PBX3: variants seen among roughly 807,000 people sequenced by gnomAD.
PBX3 encodes the protein pre-B-cell leukemia transcription factor 3.
In PBX3, 14 loss-of-function variants were observed where a neutral mutation model predicts 48.5. The observed-to-expected ratio is 0.29, with a 90% CI of 0.19 to 0.45. The LOEUF (loss-of-function observed/expected upper bound fraction) is 0.45. Among genes scored for constraint, PBX3 ranks in the 20% least tolerant of loss-of-function variants. The pLI is 1.00. For missense variants in PBX3, 386 were observed against 546.7 expected, an observed-to-expected ratio of 0.71 and a Z score of 2.93; for synonymous variants, 210 against 200.3, an observed-to-expected ratio of 1.05 and a Z score of -0.41.
chr9:125,958,822 T>C (rs1257730543), intron 5 of PBX3, among the ~76,000 whole-genome samples: 1 of 152,184 alleles, frequency 6.6e-6, no homozygotes, highest in Non-Finnish European at 1.5e-5. Context: ...ATGGATAAGG[T>C]TGCTCTAGGT....
chr9:125,760,403 G>GT (rs923981853), intron 2 of PBX3, among the ~76,000 whole-genome samples: 81 of 147,640 alleles, frequency 5.5e-4, no homozygotes, highest in African/African-American at 1.1e-3. Flanking sequence ...TTAGTCTTAG[G>GT]TTTTTTTTTT....
Position 125,960,812 on chromosome 9 carries a change from G to C in PBX3, c.972G>C (p.Gln324His). ...TAAHAVAAAV[Q>H]NNQTNSPTTP... The stretch of plus-strand genomic sequence containing the variant: ...CACACGCAGTAGCAGCAGCTGTGCA[G>C]AACAACCAGACCAATTCGCCCACCA... Residue 324 changes from glutamine to histidine, a missense_variant, in exon 6 of 9, where the codon CAG (glutamine) becomes CAC (histidine). Coordinates refer to ENST00000373489, the MANE Select transcript of PBX3 (RefSeq NM_006195.6). The C allele has an allele frequency of 1.2e-6, 2 of 1,614,164 alleles. No individual in the cohort carries two copies. The highest frequency in any genetic ancestry group is 1.7e-6 in the Non-Finnish European group (2 of 1,180,008).
rs545483607 is a variant in PBX3, at chr9:125,924,320, C to G, written c.517-5335C>G. Among the ~76,000 whole-genome samples the G allele has an allele frequency of 1.4e-3, 208 of 152,312 alleles. 1 individual carries two copies. The highest frequency in any genetic ancestry group is 4.7e-3 in the African/African-American group (197 of 41,562). ...GGGCTTGACAGAAGTCAGCTTGAGT[C>G]TCATATCTGCTTCTACAGTCAACTG... On this transcript the variant is annotated intron_variant, in intron 3 of 8. Coordinates refer to ENST00000373489, the MANE Select transcript of PBX3 (RefSeq NM_006195.6).
intron 5 of PBX3, among the ~76,000 whole-genome samples, chr9:125,958,700 C>T (rs1842362191): frequency 6.6e-6 from 1 of 152,014 alleles, no homozygotes; most frequent in South Asian, 2.1e-4. Context: ...CCTCTTAGAC[C>T]CATTGAATTG....
At chr9:125,943,088 TG>T (rs1258502485) in intron 5 of PBX3, among the ~76,000 whole-genome samples, 1 of 152,030 alleles carries the variant, frequency 6.6e-6, no homozygotes, top group Non-Finnish European at 1.5e-5. Flanking sequence ...ATTTTCAGGC[TG>T]GGCACAGTGG....
At chr9:125,828,550 A>C (rs1296892476) in intron 2 of PBX3, among the ~76,000 whole-genome samples, 3 of 152,178 alleles carry the variant, frequency 2.0e-5, no homozygotes, top group Non-Finnish European at 4.4e-5. Flanking sequence ...TTAGAAAAAC[A>C]TTTGATGATC....
chr9:125,836,609 A>G lies in PBX3; in HGVS notation c.275-79077A>G, dbSNP rs1021670914. Among the ~76,000 whole-genome samples the G allele has an allele frequency of 6.6e-5, 10 of 152,318 alleles. No individual in the cohort carries two copies. In the South Asian group the frequency reaches 2.1e-3, roughly 32 times the overall value. ...GTTTGGTAGCTCAGTAGGGTGACCT[A>G]TAGTTAACAGTAATTTATTGTATAT... On this transcript the variant is annotated intron_variant, in intron 2 of 8. Coordinates refer to ENST00000373489, the MANE Select transcript of PBX3 (RefSeq NM_006195.6).
At chr9:125,786,914 G>A (rs899565416) in intron 2 of PBX3, among the ~76,000 whole-genome samples, 93 of 152,012 alleles carry the variant, frequency 6.1e-4, no homozygotes, top group African/African-American at 2.2e-3. Context: ...TAGTAGAGTC[G>A]GGGTTTCACC....
intron 2 of PBX3, among the ~76,000 whole-genome samples, chr9:125,839,876 A>G (rs1184140868): frequency 1.3e-5 from 2 of 152,168 alleles, no homozygotes; most frequent in Non-Finnish European, 2.9e-5. Context: ...CATCTGATAT[A>G]TGTATACTCT....
intron 2 of PBX3, among the ~76,000 whole-genome samples, chr9:125,764,407 C>T (rs976156494): frequency 1.3e-5 from 2 of 152,036 alleles, no homozygotes; most frequent in Non-Finnish European, 2.9e-5. Context: ...CTTTTGGATC[C>T]GACAGGAAGA....
intron 2 of PBX3, among the ~76,000 whole-genome samples, chr9:125,855,511 A>C (rs922326024): frequency 6.6e-6 from 1 of 152,096 alleles, no homozygotes; most frequent in African/African-American, 2.4e-5. Flanking sequence ...CTTCAAGGTA[A>C]AGATTTTTTT....
intron 2 of PBX3, among the ~76,000 whole-genome samples, chr9:125,830,543 A>AC (rs1278918914): frequency 6.6e-6 from 1 of 151,824 alleles, no homozygotes; most frequent in Non-Finnish European, 1.5e-5. Context: ...AGAGTTTTGA[A>AC]CCCCCCAAAT....
intron 2 of PBX3, among the ~76,000 whole-genome samples, chr9:125,788,745 T>C (rs1402645411): frequency 1.3e-5 from 2 of 152,030 alleles, no homozygotes; most frequent in Non-Finnish European, 2.9e-5. Flanking sequence ...TGCGGCAGCA[T>C]GCGCTTGTAC....
chr9:125,751,440 C>A (rs957900698), intron 2 of PBX3, among the ~76,000 whole-genome samples: 3 of 152,198 alleles, frequency 2.0e-5, no homozygotes, highest in Non-Finnish European at 4.4e-5. Context: ...TCCCCCTCTA[C>A]CATATATGAA....
chr9:125,860,706 C>A (rs2132287989), intron 2 of PBX3, among the ~76,000 whole-genome samples: 1 of 151,876 alleles, frequency 6.6e-6, no homozygotes, highest in South Asian at 2.1e-4. Context: ...GCCTGGCCAA[C>A]ATGGTGAAAC....
intron 2 of PBX3, among the ~76,000 whole-genome samples, chr9:125,809,791 A>G (rs1026779572): frequency 1.3e-5 from 2 of 152,230 alleles, no homozygotes; most frequent in Non-Finnish European, 2.9e-5. Context: ...AGACACTGCA[A>G]TATAGATCAC....
chr9:125,873,175 ACT>A (rs1309915927), intron 2 of PBX3, among the ~76,000 whole-genome samples: 6 of 152,230 alleles, frequency 3.9e-5, no homozygotes, highest in African/African-American at 1.4e-4. Context: ...ACAGAGCGAG[ACT>A]CTGTCTCAAA....
rs1379445908 is a variant in PBX3, at chr9:125,966,263, T to C, written c.*340T>C. ...TTGGCCTTAAGGGTAAAAAGTACAA[T>C]ATACACTAAACCTCAACCGTTAAAG... On this transcript the variant is annotated 3_prime_UTR_variant, in exon 9 of 9. Coordinates refer to ENST00000373489, the MANE Select transcript of PBX3 (RefSeq NM_006195.6). The C allele has an allele frequency of 1.1e-5, 2 of 177,792 alleles. No individual in the cohort carries two copies. Among genetic ancestry groups the C allele is most frequent in the Non-Finnish European group, 2.4e-5 (2 of 83,782 alleles). The allele number at this position is 177,792 out of a possible 1,614,324, so 11.0% of individuals were successfully genotyped here.
Position 125,908,880 on chromosome 9 carries a change from T to C in PBX3, c.275-6806T>C, listed in dbSNP as rs1025211935. Among the ~76,000 whole-genome samples, 21 of 152,222 alleles carry C rather than the reference T, an allele frequency of 1.4e-4. No homozygotes were observed. In the South Asian group the frequency reaches 1.9e-3, roughly 14 times the overall value. On this transcript the variant is annotated intron_variant, in intron 2 of 8. Coordinates refer to ENST00000373489, the MANE Select transcript of PBX3 (RefSeq NM_006195.6). Reference sequence around the variant, plus strand: ...TGGCCGTTTCCTTTTTTCCCACTACTTGTAATAATTTCCTTTAGGAGCAGA... The same window carrying C: ...TGGCCGTTTCCTTTTTTCCCACTACCTGTAATAATTTCCTTTAGGAGCAGA...
Sources: allele counts gnomAD v4.1 joint callset (sites outside exome capture counted in the v4.1 genomes callset), GRCh38; gene constraint gnomAD v4.1.1; transcripts MANE v1.5; gene names NCBI Gene and HGNC (gene_info 2026-07-23, HGNC 2026-07-21).